FAT2: variants seen among roughly 807,000 people sequenced by gnomAD.
FAT2 encodes the protein protocadherin Fat 2.
In FAT2, 150 loss-of-function variants were observed where a neutral mutation model predicts 295.3. That is an observed-to-expected ratio of 0.51 (90% confidence interval 0.44 to 0.58). The LOEUF is 0.58. FAT2 is among the 20% of genes least tolerant of loss of function. The pLI is 0.00. For missense variants in FAT2, 4,868 were observed against 5,442.7 expected (o/e 0.89, Z 3.32); for synonymous variants, 2,026 against 2,150.3 (o/e 0.94, Z 1.60).
intron 21 of FAT2, chr5:151,511,246 T>C (rs946916261): frequency 1.3e-5 from 2 of 152,062 alleles, no homozygotes; most frequent in East Asian, 1.9e-4. Flanking sequence ...GAAAAAGGGG[T>C]AATGCGAAGT....
Position 151,567,222 on chromosome 5 carries a change from T to C in FAT2, c.1710A>G (p.Thr570=), listed in dbSNP as rs143644627. The change falls in exon 2 of 24, where the codon ACA becomes ACG. Residue 570 remains threonine (T), a synonymous_variant. Transcript: ENST00000261800. Reference sequence around the variant, plus strand: ...CTGGCCAGTCTTGGCGGATAGACCCTGTACAGTTGACTTCTTCAAACATAG... The same window carrying C: ...CTGGCCAGTCTTGGCGGATAGACCCCGTACAGTTGACTTCTTCAAACATAG... The part of the protein sequence containing the change: ...NQPMFEEVNC[T]GSIRQDWPVG... 2.8e-4 allele frequency: 448 copies of C among 1,614,102 alleles called. No individual in the cohort carries two copies. Among genetic ancestry groups the C allele is most frequent in the Non-Finnish European group, 3.4e-4 (406 of 1,180,052 alleles).
intron 18 of FAT2, among the ~76,000 whole-genome samples, chr5:151,523,093 T>C (rs906957842): frequency 5.3e-5 from 8 of 152,184 alleles, no homozygotes; most frequent in African/African-American, 1.9e-4. Flanking sequence ...CAATTTTCCC[T>C]GTAGTAATAT....
Position 151,554,591 on chromosome 5 carries a change from G to A in FAT2, c.3716C>T (p.Pro1239Leu), listed in dbSNP as rs758105774. 1.9e-6 allele frequency: 3 copies of A among 1,614,148 alleles called. No homozygotes were observed. The highest frequency in any genetic ancestry group is 3.3e-5 in the Admixed American group (2 of 60,016). The change falls in exon 5 of 24, where the codon CCA becomes CTA. Residue 1239 changes from proline (P) to leucine (L), a missense_variant. Around this residue, in one of 5 missense-constraint regions of FAT2, gnomAD observed 3,297 missense variants for 3,669.4 expected, o/e 0.90. Transcript: ENST00000261800. ...VVGILDVNDN[P>L]PIFSHKLFNV... The stretch of plus-strand genomic sequence containing the variant: ...GAAGAGCTTGTGGGAGAATATAGGT[G>A]GATTGTCATTGACGTCCAAGATGCC...
rs1477064977 is a variant in FAT2, at chr5:151,543,695, T to G, written c.7432A>C (p.Ser2478Arg). 2 of 1,614,224 alleles carry G rather than the reference T, an allele frequency of 1.2e-6. No homozygotes were observed. The highest frequency in any genetic ancestry group is 1.7e-6 in the Non-Finnish European group (2 of 1,180,036). The change falls in exon 10 of 24, where the codon AGC becomes CGC. Residue 2478 changes from serine to arginine, a missense_variant. Coordinates refer to ENST00000261800, the MANE Select transcript of FAT2 (RefSeq NM_001447.3). ...YINTTNANKY[S>R]PEFQQHLYEA... ...TAAAGGTGCTGCTGGAACTCTGGGC[T>G]GTACTTGTTGGCATTTGTAGTGTTG...
chr5:151,539,045 G>C (rs1755821024), intron 11 of FAT2, among the ~76,000 whole-genome samples: 1 of 152,140 alleles, frequency 6.6e-6, no homozygotes, highest in Middle Eastern at 3.4e-3. Flanking sequence ...CCATCTCCGG[G>C]AGGGCCAGGG....
rs1277638740 is a variant in FAT2, at chr5:151,553,359, G to A, written c.3974C>T (p.Pro1325Leu). ...GTGTAGCCGGACACTGGCTGAGAGT[G>A]GTGGCTGCCCACTGTCTGTTGCCTT... ...TIKATDSGQP[P>L]LSASVRLHIE... The change falls in exon 6 of 24, where the codon CCA becomes CTA. Residue 1325 changes from proline (P) to leucine (L), a missense_variant. Pro to Leu is a moderately conservative substitution (Grantham distance 98). Coordinates refer to ENST00000261800, the MANE Select transcript of FAT2 (RefSeq NM_001447.3). 1 of 1,614,112 alleles carries A rather than the reference G, an allele frequency of 6.2e-7. No individual in the cohort carries two copies. Among genetic ancestry groups the A allele is most frequent in the African/African-American group, 1.3e-5 (1 of 74,948 alleles).
rs888049476 is a variant in FAT2, at chr5:151,586,231, C to T, written c.-21+4934G>A. Among the ~76,000 whole-genome samples the T allele has an allele frequency of 3.3e-5, 5 of 152,216 alleles. No homozygotes were observed. The South Asian group carries it at 8.3e-4, about 25-fold the overall frequency. The stretch of plus-strand genomic sequence containing the variant: ...CATGCTGACGTTACTGTACCACTGG[C>T]GTGTTTCATCCTGCTTGGCTTGTGC... On this transcript the variant is annotated intron_variant, in intron 1 of 23. Transcript: ENST00000261800.
intron 23 of FAT2, 63 bp from the exon 24 acceptor site, chr5:151,506,160 A>G (rs1760856241): frequency 2.0e-6 from 3 of 1,478,340 alleles, no homozygotes; most frequent in African/African-American, 2.8e-5. Flanking sequence ...AGCTGGCTCT[A>G]TAGCAACTAT....
At position 151,568,348 on chromosome 5, in the gene FAT2, G is replaced by A. The variant is rs750109664; in HGVS notation, c.584C>T (p.Ala195Val). Residue 195 changes from alanine to valine, a missense_variant, in exon 2 of 24, where the codon GCC (alanine) becomes GTC (valine). Ala to Val is a moderately conservative substitution (Grantham distance 64). This residue lies in a region of FAT2 where 3,297 missense variants were observed against 3,669.4 expected (regional missense o/e 0.90). Transcript: ENST00000261800. ...GACCACACCGCTGGTGGGATGGATG[G>A]CAAACATCTCTGACCTTGTGTTAAA... Reference protein sequence around the residue: ...YAFNTRSEMFAIHPTSGVVTV... With the variant: ...YAFNTRSEMFVIHPTSGVVTV... 11 of 1,614,154 alleles carry A rather than the reference G, an allele frequency of 6.8e-6. No homozygotes were observed. The South Asian group carries it at 7.7e-5, about 11-fold the overall frequency.
At chr5:151,536,855 C>T (rs1357376471) in intron 12 of FAT2, among the ~76,000 whole-genome samples, 1 of 152,238 alleles carries the variant, frequency 6.6e-6, no homozygotes, top group East Asian at 1.9e-4. Flanking sequence ...GGATTTGGCT[C>T]TGCCCACCCT....
chr5:151,581,455 A>C (rs1758953653), intron 1 of FAT2, among the ~76,000 whole-genome samples: 1 of 152,128 alleles, frequency 6.6e-6, no homozygotes, highest in Non-Finnish European at 1.5e-5. Context: ...TACCTCCCTG[A>C]GCTAACCCTC....
At chr5:151,556,533 A>C in intron 3 of FAT2, 131 bp from the exon 4 acceptor site, 1 of 646,410 alleles carries the variant, frequency 1.5e-6, no homozygotes, top group Non-Finnish European at 2.7e-6. Flanking sequence ...TGTAAAGACC[A>C]TCCCTGACTT....
At chr5:151,554,102 C>G (rs575404834) in intron 5 of FAT2, among the ~76,000 whole-genome samples, 2 of 152,198 alleles carry the variant, frequency 1.3e-5, no homozygotes, top group Non-Finnish European at 2.9e-5. Context: ...GGTTCCAAAG[C>G]CCCTGTTACT....
At chr5:151,594,401 G>A (rs1327674140), upstream of FAT2, among the ~76,000 whole-genome samples, 1 of 152,232 alleles carries the variant, frequency 6.6e-6, no homozygotes, top group Non-Finnish European at 1.5e-5. Flanking sequence ...CACCTGGGAA[G>A]CCCAGGCCCC....
chr5:151,535,511 C>G (rs1755174630), intron 12 of FAT2, among the ~76,000 whole-genome samples: 1 of 152,098 alleles, frequency 6.6e-6, no homozygotes, highest in East Asian at 1.9e-4. Flanking sequence ...GTGGTGCGCC[C>G]AGGGAGGACA....
At chr5:151,549,158 G>A (rs750750909) in intron 9 of FAT2, 137 bp downstream of exon 9, 37 of 731,856 alleles carry the variant, frequency 5.1e-5, no homozygotes, top group Non-Finnish European at 7.4e-5. Context: ...TAGTCCCAGG[G>A]AATGCTCTAG....
intron 1 of FAT2, among the ~76,000 whole-genome samples, chr5:151,582,291 T>C (rs1247685733): frequency 6.6e-6 from 1 of 152,224 alleles, no homozygotes; most frequent in East Asian, 1.9e-4. Flanking sequence ...CACCGACTTT[T>C]CTTAGCCAAG....
At chr5:151,550,933 G>T in intron 7 of FAT2, 62 bp from the exon 8 acceptor site, 1 of 1,501,730 alleles carries the variant, frequency 6.7e-7, no homozygotes, top group African/African-American at 1.4e-5. Flanking sequence ...GACTGGGTCT[G>T]TCTGGACCTC....
At chr5:151,519,330 C>T (rs1215071800) in intron 19 of FAT2, among the ~76,000 whole-genome samples, 1 of 152,172 alleles carries the variant, frequency 6.6e-6, no homozygotes, top group Admixed American at 6.5e-5. Context: ...AGTGACAGAG[C>T]GAGACTTCAT....
Sources: allele counts gnomAD v4.1 joint callset (sites outside exome capture counted in the v4.1 genomes callset), GRCh38; gene constraint gnomAD v4.1.1; regional missense constraint gnomAD v4.1.1; transcripts MANE v1.5; gene names NCBI Gene and HGNC (gene_info 2026-07-23, HGNC 2026-07-21).